The following ME3 variants were observed in gnomAD, a reference collection of about 807,000 sequenced individuals.
The protein encoded by ME3 is NADP-dependent malic enzyme, mitochondrial.
In ME3, 48 loss-of-function variants were observed where a neutral mutation model predicts 68.9. That is an observed-to-expected ratio of 0.70 (90% CI 0.55 to 0.89). The LOEUF is 0.89. Ranked by LOEUF, ME3 falls within the 40% of genes least tolerant of loss-of-function variation. The pLI, the probability that ME3 is intolerant of heterozygous loss-of-function variation, is 0.00. For synonymous variants in ME3, 320 were observed against 318.8 expected (o/e 1.00, Z -0.04); for missense variants, 675 against 797.4 (o/e 0.85, Z 1.85).
chr11:86,544,790 G>A (rs570926832), intron 4 of ME3, among the ~76,000 whole-genome samples: 32 of 152,206 alleles, frequency 2.1e-4, no homozygotes, highest in African/African-American at 6.5e-4. Flanking sequence ...GAGAGGGACC[G>A]CTCCCTAACT....
At chr11:86,525,931 C>T (rs1329045003) in intron 4 of ME3, among the ~76,000 whole-genome samples, 2 of 151,846 alleles carry the variant, frequency 1.3e-5, no homozygotes, top group South Asian at 2.1e-4. Context: ...GTCTACAGCT[C>T]CCAGCGTGAG....
chr11:86,440,731 G>A (rs1948945902), downstream of ME3, among the ~76,000 whole-genome samples: 1 of 152,122 alleles, frequency 6.6e-6, no homozygotes, highest in African/African-American at 2.4e-5. Flanking sequence ...CCTGATGGGT[G>A]GGCTGTGCTT....
At chr11:86,589,374 A>G (rs1035155525) in intron 2 of ME3, among the ~76,000 whole-genome samples, 2 of 151,838 alleles carry the variant, frequency 1.3e-5, no homozygotes, top group African/African-American at 4.9e-5. Context: ...AAAGAAAGAG[A>G]GAGAATATAT....
chr11:86,492,683 C>T (rs1952074645), intron 6 of ME3, among the ~76,000 whole-genome samples: 1 of 152,200 alleles, frequency 6.6e-6, no homozygotes, highest in Non-Finnish European at 1.5e-5. Context: ...TTCTCCTCTG[C>T]TGTGGGAGTT....
chr11:86,562,030 T>C (rs1957262130), intron 2 of ME3, among the ~76,000 whole-genome samples: 1 of 152,216 alleles, frequency 6.6e-6, no homozygotes, highest in Admixed American at 6.5e-5. Flanking sequence ...TCATACAAAA[T>C]AGTTTCACTG....
At chr11:86,479,490 A>T (rs911319972) in intron 7 of ME3, among the ~76,000 whole-genome samples, 1 of 152,216 alleles carries the variant, frequency 6.6e-6, no homozygotes, top group African/African-American at 2.4e-5. Context: ...ATCACTGAAC[A>T]TTCATTTTTA....
rs112487581 is a variant in ME3, at chr11:86,491,144, G to A, written c.706-3704C>T. On this transcript the variant is annotated intron_variant, in intron 6 of 14. Transcript: ENST00000543262. ...TCTTATGTTTGTATAGAGCTTTCAA[G>A]TAATTCACTCATTTGTTCCTTCTAA... is the stretch of plus-strand genomic sequence containing the variant. 5.8e-3 allele frequency among the ~76,000 whole-genome samples: 885 copies of A among 152,332 alleles called. 9 individuals are homozygous for A. Among genetic ancestry groups the A allele is most frequent in the African/African-American group, 0.02 (822 of 41,576 alleles).
At chr11:86,533,255 T>A (rs893649956) in intron 4 of ME3, among the ~76,000 whole-genome samples, 8 of 151,846 alleles carry the variant, frequency 5.3e-5, no homozygotes, top group African/African-American at 1.2e-4. Context: ...TGACAAACCC[T>A]TAGCTATACT....
intron 2 of ME3, among the ~76,000 whole-genome samples, chr11:86,581,919 T>G (rs936683948): frequency 1.3e-5 from 2 of 152,234 alleles, no homozygotes; most frequent in Non-Finnish European, 2.9e-5. Flanking sequence ...CTTTCCAATA[T>G]TGAAATCACA....
intron 2 of ME3, among the ~76,000 whole-genome samples, chr11:86,628,134 T>C (rs1594719422): frequency 6.6e-6 from 1 of 152,346 alleles, no homozygotes; most frequent in East Asian, 1.9e-4. Context: ...TGAGAGAACT[T>C]ATAATCTATC....
intron 8 of ME3, among the ~76,000 whole-genome samples, chr11:86,457,985 G>A (rs754514574): frequency 6.6e-6 from 1 of 152,192 alleles, no homozygotes. Context: ...TATCAGGTAA[G>A]GGAAAACTTC....
chr11:86,523,427 G>A (rs1313926919), intron 4 of ME3, among the ~76,000 whole-genome samples: 1 of 152,154 alleles, frequency 6.6e-6, no homozygotes, highest in Middle Eastern at 3.2e-3. Flanking sequence ...TTCAGGTGAT[G>A]ATTGTAAAAC....
rs528325819 is a variant in ME3, at chr11:86,606,507, G to A, written c.184-46684C>T. ...CTGCCTGCAGCGAAGCTGTTTTCAG[G>A]GCCCTTTTAGTGCTCTCACATTCCA... On this transcript the variant is annotated intron_variant, in intron 2 of 14. Coordinates refer to ENST00000543262, the Ensembl canonical transcript of ME3. Among the ~76,000 whole-genome samples, 27 of 152,234 alleles carry A rather than the reference G, an allele frequency of 1.8e-4. No homozygotes were observed. The South Asian group carries it at 4.6e-3, about 26-fold the overall frequency.
chr11:86,462,819 A>G (rs1024121886), intron 8 of ME3: 5 of 395,708 alleles, frequency 1.3e-5, no homozygotes, highest in African/African-American at 2.1e-5. Context: ...GGGCACCCAA[A>G]TCAGACTGAG....
chr11:86,450,501 G>A, intron 8 of ME3, 103 bp from the exon 9 acceptor site: 1 of 921,054 alleles, frequency 1.1e-6, no homozygotes. Flanking sequence ...GGAGGAACAG[G>A]CAACTTTTCT....
intron 2 of ME3, among the ~76,000 whole-genome samples, chr11:86,640,177 A>T (rs1944579289): frequency 6.6e-6 from 1 of 152,230 alleles, no homozygotes; most frequent in South Asian, 2.1e-4. Context: ...CTGCATGACA[A>T]TATTTTGGTG....
intron 4 of ME3, among the ~76,000 whole-genome samples, chr11:86,552,192 A>G (rs1430919326): frequency 6.6e-6 from 1 of 152,238 alleles, no homozygotes. Context: ...AATAAGTGTT[A>G]TTTCCATTTC....
chr11:86,497,998 G>T lies in ME3; in HGVS notation c.670C>A (p.Leu224Ile), dbSNP rs1261091152. 3.1e-6 allele frequency: 5 copies of T among 1,610,410 alleles called. No homozygotes were observed. In the South Asian group the frequency reaches 4.4e-5, roughly 14 times the overall value. ...GTGCCGACGTCCAGCAGCACAGGGAGGCACTGCTGCGGGTTCACCCCTCCG... is the reference window on the plus strand; with the variant it reads ...GTGCCGACGTCCAGCAGCACAGGGATGCACTGCTGCGGGTTCACCCCTCCG... The change falls in exon 6 of 15, where the codon CTC becomes ATC. Residue 224 changes from leucine to isoleucine, a missense_variant. Physicochemically the swap from Leu to Ile is conservative, Grantham distance 5. Transcript: ENST00000543262.
intron 2 of ME3, among the ~76,000 whole-genome samples, chr11:86,634,454 T>C (rs372264594): frequency 6.6e-6 from 1 of 152,346 alleles, no homozygotes; most frequent in East Asian, 1.9e-4. Context: ...TCTTAGCTCA[T>C]AATCAGATCA....
Sources: gnomAD v4.1 joint callset for allele counts (sites outside exome capture counted in the v4.1 genomes callset) on GRCh38, gnomAD v4.1.1 for gene constraint, MANE v1.5 for transcripts, NCBI Gene and HGNC (gene_info 2026-07-23, HGNC 2026-07-21) for gene names.